The following ALK variants were observed in gnomAD, a reference collection of about 807,000 sequenced individuals.
ALK encodes ALK receptor tyrosine kinase, also known as ALK tyrosine kinase receptor.
In ALK, 74 loss-of-function variants were observed where a neutral mutation model predicts 163.1. The observed-to-expected ratio is 0.45, with a 90% confidence interval of 0.38 to 0.55. The LOEUF is 0.55. Ranked by LOEUF, ALK falls within the 20% of genes least tolerant of loss-of-function variation. The pLI is 0.00. For missense variants in ALK, 2,063 were observed against 2,105.3 expected, an observed-to-expected ratio of 0.98 and a Z score of 0.39; for synonymous variants, 960 against 843.2, an observed-to-expected ratio of 1.14 and a Z score of -2.40.
At chr2:29,640,691 C>T (rs935282054) in intron 3 of ALK, among the ~76,000 whole-genome samples, 1 of 152,054 alleles carries the variant, frequency 6.6e-6, no homozygotes, top group Non-Finnish European at 1.5e-5. Flanking sequence ...ATGTGTTGAA[C>T]AATATGGAGT....
chr2:29,674,223 A>T (rs1203329612), intron 3 of ALK, among the ~76,000 whole-genome samples: 2 of 151,572 alleles, frequency 1.3e-5, no homozygotes, highest in East Asian at 1.9e-4. Context: ...TGAATAGGAG[A>T]GGTGAGAGAG....
At chr2:29,905,557 AGGAAAG>A (rs1667522303) in intron 1 of ALK, among the ~76,000 whole-genome samples, 1 of 150,728 alleles carries the variant, frequency 6.6e-6, no homozygotes, top group Admixed American at 6.6e-5. Context: ...GAAAGGGAAA[AGGAAAG>A]GGAAAGGGAA....
At chr2:29,807,317 A>G (rs539158490) in intron 1 of ALK, among the ~76,000 whole-genome samples, 200 of 152,364 alleles carry the variant, frequency 1.3e-3, no homozygotes, top group Non-Finnish European at 2.3e-3. Context: ...ATGAAAAAGA[A>G]TAGAAGATAA....
chr2:29,693,390 G>A (rs1678457485), intron 3 of ALK, among the ~76,000 whole-genome samples: 1 of 140,520 alleles, frequency 7.1e-6, no homozygotes, highest in South Asian at 2.4e-4. Flanking sequence ...GCACTGTCAG[G>A]TTAAGAGCAC....
At chr2:29,874,105 A>T (rs1402730940) in intron 1 of ALK, among the ~76,000 whole-genome samples, 2 of 152,202 alleles carry the variant, frequency 1.3e-5, no homozygotes, top group Non-Finnish European at 2.9e-5. Context: ...AATGCACTGG[A>T]ATGTATGGAC....
chr2:29,826,487 T>A (rs912730729), intron 1 of ALK, among the ~76,000 whole-genome samples: 13 of 151,382 alleles, frequency 8.6e-5, no homozygotes, highest in Admixed American at 8.6e-4. Flanking sequence ...TCTTTACCAG[T>A]CTCTCTCTCT....
chr2:29,484,137 G>A (rs981961750), intron 4 of ALK, among the ~76,000 whole-genome samples: 1 of 152,052 alleles, frequency 6.6e-6, no homozygotes, highest in Non-Finnish European at 1.5e-5. Context: ...GCCTCCCACG[G>A]GATTATGGGA....
At chr2:29,373,859 G>T (rs1446494587) in intron 5 of ALK, among the ~76,000 whole-genome samples, 1 of 152,130 alleles carries the variant, frequency 6.6e-6, no homozygotes, top group African/African-American at 2.4e-5. Flanking sequence ...AATTAAGCAG[G>T]ATTACTCCTT....
chr2:29,571,459 T>C (rs961634654), intron 3 of ALK, among the ~76,000 whole-genome samples: 1 of 152,140 alleles, frequency 6.6e-6, no homozygotes, highest in African/African-American at 2.4e-5. Flanking sequence ...AATCTGGCAT[T>C]TCCCCTGCTA....
chr2:29,314,065 C>T (rs1486695448), intron 8 of ALK, among the ~76,000 whole-genome samples: 4 of 152,168 alleles, frequency 2.6e-5, no homozygotes, highest in Non-Finnish European at 5.9e-5. Flanking sequence ...TTCCCTGCTT[C>T]TGCGTCACAC....
chr2:29,466,481 T>A (rs572300873), intron 4 of ALK, among the ~76,000 whole-genome samples: 1 of 152,226 alleles, frequency 6.6e-6, no homozygotes, highest in Admixed American at 6.5e-5. Flanking sequence ...TGGAAATCTA[T>A]TCTAAAATGT....
At chr2:29,314,451 C>T (rs1666773992) in intron 8 of ALK, among the ~76,000 whole-genome samples, 1 of 152,020 alleles carries the variant, frequency 6.6e-6, no homozygotes, top group Non-Finnish European at 1.5e-5. Context: ...GGCTGTGTCC[C>T]AAGATCCCAG....
chr2:29,705,226 A>G (rs1488464945), intron 2 of ALK, among the ~76,000 whole-genome samples: 4 of 124,256 alleles, frequency 3.2e-5, no homozygotes, highest in Non-Finnish European at 6.8e-5. Context: ...TCAACAAAAA[A>G]AGAAAAGAAA....
chr2:29,549,502 G>A (rs1340219977), intron 3 of ALK, among the ~76,000 whole-genome samples: 1 of 152,218 alleles, frequency 6.6e-6, no homozygotes, highest in African/African-American at 2.4e-5. Context: ...ATAGCCACAT[G>A]TGGTTTTTGA....
intron 1 of ALK, among the ~76,000 whole-genome samples, chr2:29,856,193 T>C (rs1234268069): frequency 2.0e-5 from 3 of 152,132 alleles, no homozygotes; most frequent in Admixed American, 1.3e-4. Context: ...GAATTTTAGC[T>C]CTCTTGCTTT....
At chr2:29,412,374 G>A (rs940488305) in intron 4 of ALK, among the ~76,000 whole-genome samples, 1 of 152,140 alleles carries the variant, frequency 6.6e-6, no homozygotes, top group African/African-American at 2.4e-5. Flanking sequence ...TTATAGATAT[G>A]CCTGAAAGCC....
rs116686702 is a variant in ALK, at chr2:29,588,969, T to G, written c.953-56853A>C. Among the ~76,000 whole-genome samples the G allele has an allele frequency of 9.0e-3, 1,367 of 152,270 alleles. 10 individuals carry two copies. Among genetic ancestry groups the G allele is most frequent in the African/African-American group, 0.032 (1,316 of 41,554 alleles). ...CTGGTGAACAAGCCCCTCGCTCCCC[T>G]CCGGGGGCTGGTTCTCTGCATACAT... On this transcript the variant is annotated intron_variant, in intron 3 of 28. Transcript: ENST00000389048.
intron 1 of ALK, among the ~76,000 whole-genome samples, chr2:29,813,690 G>A (rs977228833): frequency 2.0e-5 from 3 of 152,252 alleles, no homozygotes; most frequent in South Asian, 2.1e-4. Flanking sequence ...CTTGTAACCC[G>A]GACCCGATGC....
chr2:29,892,720 C>T (rs914885455), intron 1 of ALK, among the ~76,000 whole-genome samples: 5 of 152,150 alleles, frequency 3.3e-5, no homozygotes. Context: ...CCAGACTGTC[C>T]CCACACTCCA....
Sources: allele counts gnomAD v4.1 joint callset (sites outside exome capture counted in the v4.1 genomes callset), GRCh38; gene constraint gnomAD v4.1.1; transcripts MANE v1.5; gene names NCBI Gene and HGNC (gene_info 2026-07-23, HGNC 2026-07-21).